CUBN: variants seen among roughly 807,000 people sequenced by gnomAD.
The protein encoded by CUBN is 460 kDa receptor.
In CUBN, 282 loss-of-function variants were observed where a neutral mutation model predicts 405.3. The ratio of observed to expected loss-of-function variants is 0.70; its 90% CI spans 0.63 to 0.77. The LOEUF (loss-of-function observed/expected upper bound fraction) is 0.77, where lower values mean the gene tolerates loss of function less well. Ranked by LOEUF, CUBN falls within the 30% of genes least tolerant of loss-of-function variation. The probability of loss-of-function intolerance (pLI) is 0.00; values close to 1 mark genes in which losing one functional copy is unlikely to be tolerated. For missense variants in CUBN, 4,514 were observed against 4,475.2 expected (o/e 1.01, Z -0.25); for synonymous variants, 1,684 against 1,617.0 (o/e 1.04, Z -0.99).
chr10:16,894,728 C>A (rs566019910), intron 54 of CUBN, among the ~76,000 whole-genome samples: 16 of 152,280 alleles, frequency 1.1e-4, no homozygotes, highest in Admixed American at 7.8e-4. Flanking sequence ...TCTATGCCTA[C>A]AAAAGACTTT....
At chr10:16,834,989 C>A in intron 64 of CUBN, 25 bp downstream of exon 64, 1 of 1,600,670 alleles carries the variant, frequency 6.2e-7, no homozygotes, top group Non-Finnish European at 8.6e-7. Context: ...ATAATTCATT[C>A]AAACGATATT....
At chr10:17,119,049 T>C (rs1019660400) in intron 6 of CUBN, among the ~76,000 whole-genome samples, 1 of 152,190 alleles carries the variant, frequency 6.6e-6, no homozygotes, top group African/African-American at 2.4e-5. Flanking sequence ...ATAGTCATAG[T>C]TTAACTTGTG....
At chr10:17,036,814 G>T (rs1834912401) in intron 27 of CUBN, among the ~76,000 whole-genome samples, 1 of 152,158 alleles carries the variant, frequency 6.6e-6, no homozygotes, top group Non-Finnish European at 1.5e-5. Flanking sequence ...TCTCTTTGCG[G>T]CAGTGTCAAT....
intron 28 of CUBN, among the ~76,000 whole-genome samples, chr10:17,010,320 C>T (rs778388295): frequency 7.9e-5 from 12 of 152,286 alleles, no homozygotes; most frequent in South Asian, 4.1e-4. Context: ...CTGCATTTAA[C>T]GGATCCATGA....
Position 16,876,938 on chromosome 10 carries a change from T to C in CUBN, c.9065A>G (p.Gln3022Arg). The change falls in exon 57 of 67, where the codon CAA (glutamine) becomes CGA (arginine). Residue 3022 changes from glutamine (Q) to arginine (R), a missense_variant. Around this residue, in one of 5 missense-constraint regions of CUBN, gnomAD observed 1,186 missense variants for 1,186.9 expected, o/e 1.00. Transcript: ENST00000377833. ...PVLLNFYSNEQITDFGFKFSY... is the reference protein window; with the variant it reads ...PVLLNFYSNERITDFGFKFSY... ...AAACTTGAATCCGAAGTCTGTGATTTGCTCGTTGGAGTAGAAGTTAAGCAG... is the reference window on the plus strand; with the variant it reads ...AAACTTGAATCCGAAGTCTGTGATTCGCTCGTTGGAGTAGAAGTTAAGCAG... The C allele has an allele frequency of 6.2e-7, 1 of 1,614,202 alleles. No homozygotes were observed. The highest frequency in any genetic ancestry group is 8.5e-7 in the Non-Finnish European group (1 of 1,180,030).
intron 47 of CUBN, 69 bp from the exon 48 acceptor site, chr10:16,914,061 T>C: frequency 6.5e-7 from 1 of 1,535,674 alleles, no homozygotes; most frequent in East Asian, 2.3e-5. Context: ...AAGAAAGCTC[T>C]CAAAATTCAG....
intron 28 of CUBN, among the ~76,000 whole-genome samples, chr10:17,003,699 G>T (rs1301242935): frequency 2.0e-5 from 3 of 152,154 alleles, no homozygotes; most frequent in African/African-American, 7.2e-5. Context: ...TTCTGTGCCA[G>T]GATTTATCAC....
In CUBN at chr10:16,831,202, C is replaced by G. The variant is rs1294163477; in HGVS notation, c.10528+50G>C. ...TTACTTTGCCTTTTACTATTAGACA[C>G]CTCATGTTTTTCTCACAGTGCTTTC... On this transcript the variant is annotated intron_variant, in intron 65 of 66. Transcript: ENST00000377833. 9.7e-6 allele frequency: 15 copies of G among 1,539,338 alleles called. No individual in the cohort carries two copies. In the East Asian group the frequency reaches 3.1e-4, roughly 32 times the overall value.
intron 6 of CUBN, among the ~76,000 whole-genome samples, chr10:17,117,004 T>C (rs1836917051): frequency 6.6e-6 from 1 of 152,234 alleles, no homozygotes; most frequent in South Asian, 2.1e-4. Flanking sequence ...TAAAAGCTGA[T>C]TCATTAATAT....
In CUBN at chr10:17,045,129, G is replaced by A. The variant is rs1224016485; in HGVS notation, c.3550C>T (p.Pro1184Ser). ...GTFISPNYPMPYYHSSECYWW... is the reference protein window; with the variant it reads ...GTFISPNYPMSYYHSSECYWW... ...TAGCATTCAGAGCTGTGGTAATAGG[G>A]CATCGGGTAGTTGGGAGATATGAAC... Residue 1184 changes from proline to serine, a missense_variant, in exon 25 of 67, where the codon CCC (proline) becomes TCC (serine). Pro to Ser is a moderately conservative substitution (Grantham distance 74). This residue lies in a region of CUBN where 242 missense variants were observed against 309.0 expected (regional missense o/e 0.78). Coordinates refer to ENST00000377833, the MANE Select transcript of CUBN (RefSeq NM_001081.4). The A allele has an allele frequency of 6.2e-7, 1 of 1,613,966 alleles. No individual in the cohort carries two copies. Among genetic ancestry groups the A allele is most frequent in the Non-Finnish European group, 8.5e-7 (1 of 1,179,966 alleles).
chr10:17,056,247 T>A (rs1835392923), intron 22 of CUBN, among the ~76,000 whole-genome samples: 1 of 152,048 alleles, frequency 6.6e-6, no homozygotes, highest in Admixed American at 6.6e-5. Flanking sequence ...CTTGGACACA[T>A]AACTCACACC....
At chr10:16,851,539 T>C in intron 59 of CUBN, 96 bp from the exon 60 acceptor site, 4 of 1,082,418 alleles carry the variant, frequency 3.7e-6, no homozygotes, top group Non-Finnish European at 5.7e-6. Context: ...TTCCATTTTC[T>C]GTCACACTCT....
intron 62 of CUBN, 50 bp downstream of exon 62, chr10:16,840,280 C>T (rs978003084): frequency 1.1e-5 from 16 of 1,476,502 alleles, no homozygotes; most frequent in East Asian, 2.3e-5. Flanking sequence ...TTTGCAAATA[C>T]TGGTGAAAAG....
rs143441643 is a variant in CUBN at position 17,067,783 on chromosome 10, G to A, written c.3008+281C>T. On this transcript the variant is annotated intron_variant, in intron 21 of 66. Transcript: ENST00000377833. Reference sequence around the variant, plus strand: ...GTGGTTTCCTGTGGGTGGGGGTGAGGAACAAAAGCAAGGAATTATAACGGA... The same window carrying A: ...GTGGTTTCCTGTGGGTGGGGGTGAGAAACAAAAGCAAGGAATTATAACGGA... 3.8e-3 allele frequency among the ~76,000 whole-genome samples: 581 copies of A among 152,184 alleles called. 8 individuals are homozygous for A. Among genetic ancestry groups the A allele is most frequent in the East Asian group, 0.013 (68 of 5,176 alleles).
intron 59 of CUBN, among the ~76,000 whole-genome samples, chr10:16,856,547 C>A (rs1001165305): frequency 9.2e-5 from 14 of 152,150 alleles, no homozygotes; most frequent in African/African-American, 3.4e-4. Context: ...CAAGATCAAT[C>A]TGATAAGGGA....
chr10:17,026,149 G>A (rs1834657413), intron 27 of CUBN, among the ~76,000 whole-genome samples: 1 of 152,170 alleles, frequency 6.6e-6, no homozygotes, highest in Non-Finnish European at 1.5e-5. Context: ...CTGCTCAGAT[G>A]TTCCCCACCC....
At chr10:17,024,018 ACACT>A (rs544014677) in intron 27 of CUBN, among the ~76,000 whole-genome samples, 96 of 133,838 alleles carry the variant, frequency 7.2e-4, no homozygotes, top group African/African-American at 2.6e-3. Context: ...TCCTCTTGAC[ACACT>A]CAGAGAGGAA....
At chr10:16,917,238 A>T (rs1434813878) in intron 45 of CUBN, among the ~76,000 whole-genome samples, 1 of 152,172 alleles carries the variant, frequency 6.6e-6, no homozygotes, top group Non-Finnish European at 1.5e-5. Flanking sequence ...TGGTTCTTAA[A>T]TGGTTTTATT....
At chr10:16,938,477 G>C (rs1298897512) in intron 38 of CUBN, among the ~76,000 whole-genome samples, 1 of 152,212 alleles carries the variant, frequency 6.6e-6, no homozygotes, top group South Asian at 2.1e-4. Context: ...CAGGCACTGG[G>C]ATCTATTCAT....
Sources: gnomAD v4.1 joint callset for allele counts (sites outside exome capture counted in the v4.1 genomes callset) on GRCh38, gnomAD v4.1.1 for gene constraint, gnomAD v4.1.1 regional missense constraint, MANE v1.5 for transcripts, NCBI Gene and HGNC (gene_info 2026-07-23, HGNC 2026-07-21) for gene names.